The following JAZF1 variants were observed in gnomAD, a reference collection of about 807,000 sequenced individuals.
JAZF1 encodes the protein juxtaposed with another zinc finger protein 1.
A neutral mutation model predicts 26.4 loss-of-function variants in JAZF1; 8 were observed. The observed-to-expected ratio is 0.30, with a 90% CI of 0.18 to 0.55. The LOEUF (loss-of-function observed/expected upper bound fraction) is 0.55, where lower values mean the gene tolerates loss of function less well. JAZF1 is among the 20% of genes least tolerant of loss of function. The probability of loss-of-function intolerance (pLI) is 0.94; values close to 1 mark genes in which losing one functional copy is unlikely to be tolerated. For missense variants in JAZF1, 199 were observed against 322.0 expected, an observed-to-expected ratio of 0.62 and a Z score of 2.92; for synonymous variants, 126 against 122.3, an observed-to-expected ratio of 1.03 and a Z score of -0.20.
intron 1 of JAZF1, among the ~76,000 whole-genome samples, chr7:28,025,644 CAG>C (rs759555859): frequency 6.6e-6 from 1 of 152,216 alleles, no homozygotes; most frequent in Non-Finnish European, 1.5e-5. Context: ...AGAAACCAAT[CAG>C]GGGTTTAAAA....
chr7:27,846,598 A>C (rs1031187601), intron 3 of JAZF1: 1 of 468,640 alleles, frequency 2.1e-6, no homozygotes, highest in Non-Finnish European at 4.4e-6. Flanking sequence ...GGTTAGCTCT[A>C]TTTTGCTAAC....
At chr7:27,995,089 A>C (rs1186170858) in intron 1 of JAZF1, among the ~76,000 whole-genome samples, 1 of 152,248 alleles carries the variant, frequency 6.6e-6, no homozygotes, top group Non-Finnish European at 1.5e-5. Context: ...TAAATCCAAC[A>C]GGAAGAATTT....
intron 1 of JAZF1, among the ~76,000 whole-genome samples, chr7:28,142,045 C>G (rs1345216189): frequency 1.3e-5 from 2 of 152,136 alleles, no homozygotes; most frequent in African/African-American, 2.4e-5. Context: ...TACTTCTACT[C>G]ACATGGAATG....
chr7:27,833,681 A>G (rs1482464156), intron 4 of JAZF1, among the ~76,000 whole-genome samples: 2 of 152,250 alleles, frequency 1.3e-5, no homozygotes, highest in Non-Finnish European at 2.9e-5. Context: ...AAGGTTATAT[A>G]ATGTTAGTCA....
intron 2 of JAZF1, among the ~76,000 whole-genome samples, chr7:27,937,836 ATTACTGATAC>A (rs1174466077): frequency 6.6e-6 from 1 of 152,220 alleles, no homozygotes; most frequent in Non-Finnish European, 1.5e-5. Flanking sequence ...ACATCACAGG[ATTACTGATAC>A]TGTAAAAAAG....
At chr7:28,130,386 G>A (rs1782771727) in intron 1 of JAZF1, among the ~76,000 whole-genome samples, 1 of 152,010 alleles carries the variant, frequency 6.6e-6, no homozygotes, top group South Asian at 2.1e-4. Context: ...GTTCAACTAG[G>A]GAGTGGTTGA....
intron 1 of JAZF1, among the ~76,000 whole-genome samples, chr7:28,151,198 G>C (rs1053649076): frequency 1.1e-4 from 16 of 151,618 alleles, no homozygotes; most frequent in African/African-American, 3.9e-4. Context: ...CCACCTCCCG[G>C]GTTCAAGTGA....
intron 2 of JAZF1, among the ~76,000 whole-genome samples, chr7:27,909,621 C>T (rs959884673): frequency 6.6e-6 from 1 of 152,128 alleles, no homozygotes; most frequent in Non-Finnish European, 1.5e-5. Flanking sequence ...GCAGGTGAAT[C>T]GCTTGAACCT....
chr7:27,927,553 T>G (rs1002893272), intron 2 of JAZF1, among the ~76,000 whole-genome samples: 1 of 152,174 alleles, frequency 6.6e-6, no homozygotes, highest in African/African-American at 2.4e-5. Context: ...TTGTGTCTGG[T>G]ATATAGTATT....
At chr7:27,975,467 G>A (rs974936276) in intron 2 of JAZF1, among the ~76,000 whole-genome samples, 2 of 152,158 alleles carry the variant, frequency 1.3e-5, no homozygotes, top group Non-Finnish European at 2.9e-5. Flanking sequence ...TGTCAAGGAA[G>A]GACGGGCTGA....
At chr7:28,163,840 T>C (rs1783326910) in intron 1 of JAZF1, among the ~76,000 whole-genome samples, 1 of 152,194 alleles carries the variant, frequency 6.6e-6, no homozygotes, top group Admixed American at 6.5e-5. Context: ...ATCAAAATCC[T>C]TTTGGACTCT....
At chr7:27,962,126 AT>A (rs1785195395) in intron 2 of JAZF1, among the ~76,000 whole-genome samples, 1 of 152,228 alleles carries the variant, frequency 6.6e-6, no homozygotes, top group Admixed American at 6.5e-5. Flanking sequence ...GAGAGTCTTC[AT>A]GTACAACAAC....
intron 2 of JAZF1, among the ~76,000 whole-genome samples, chr7:27,972,964 CACAT>C (rs1583487285): frequency 6.6e-6 from 1 of 150,980 alleles, no homozygotes; most frequent in East Asian, 1.9e-4. Context: ...CACACACACA[CACAT>C]ACACATGTAA....
chr7:27,917,659 T>G (rs959340935), intron 2 of JAZF1, among the ~76,000 whole-genome samples: 6 of 152,184 alleles, frequency 3.9e-5, no homozygotes, highest in Non-Finnish European at 7.3e-5. Flanking sequence ...AGACTTTTGA[T>G]GTTTGCTGAG....
intron 3 of JAZF1, among the ~76,000 whole-genome samples, chr7:27,850,752 A>T (rs1783130053): frequency 6.6e-6 from 1 of 151,442 alleles, no homozygotes; most frequent in Admixed American, 6.6e-5. Context: ...CCTGGGCCTC[A>T]TCATGACCTT....
chr7:28,032,493 G>A (rs888603248), intron 1 of JAZF1, among the ~76,000 whole-genome samples: 1 of 152,084 alleles, frequency 6.6e-6, no homozygotes, highest in African/African-American at 2.4e-5. Context: ...CTCTGCCCTG[G>A]CATGTTTGTA....
chr7:27,899,483 G>A (rs889481467), intron 2 of JAZF1, among the ~76,000 whole-genome samples: 3 of 152,126 alleles, frequency 2.0e-5, no homozygotes, highest in Admixed American at 2.0e-4. Context: ...CACCCAGGCT[G>A]GTGTGCAGTG....
chr7:28,018,032 A>G (rs548323433), intron 1 of JAZF1, among the ~76,000 whole-genome samples: 46 of 152,318 alleles, frequency 3.0e-4, no homozygotes, highest in Non-Finnish European at 5.3e-4. Flanking sequence ...TCAGCCTCCC[A>G]AAGTGGATAA....
At chr7:28,098,682 G>A (rs1389626765) in intron 1 of JAZF1, among the ~76,000 whole-genome samples, 1 of 152,202 alleles carries the variant, frequency 6.6e-6, no homozygotes, top group Non-Finnish European at 1.5e-5. Flanking sequence ...AGAAATGAAT[G>A]CTAGACTCAC....
Sources: allele counts gnomAD v4.1 joint callset (sites outside exome capture counted in the v4.1 genomes callset), GRCh38; gene constraint gnomAD v4.1.1; transcripts MANE v1.5; gene names NCBI Gene and HGNC (gene_info 2026-07-23, HGNC 2026-07-21).